Variants in ROBO1 observed in about 807,000 individuals in gnomAD.
ROBO1 encodes roundabout guidance receptor 1.
A neutral mutation model predicts 195.9 loss-of-function variants in ROBO1; 149 were observed. That is an observed-to-expected ratio of 0.76 (90% confidence interval 0.67 to 0.87). ROBO1 has a LOEUF of 0.87. Among genes scored for constraint, ROBO1 ranks in the 40% least tolerant of loss-of-function variants. The pLI, the probability that ROBO1 is intolerant of heterozygous loss-of-function variation, is 0.00. For missense variants in ROBO1, 1,933 were observed against 2,068.3 expected (o/e 0.93, Z 1.27); for synonymous variants, 816 against 733.2 (o/e 1.11, Z -1.82).
intron 4 of ROBO1, among the ~76,000 whole-genome samples, chr3:78,840,709 T>A (rs1263860904): frequency 6.6e-6 from 1 of 152,196 alleles, no homozygotes; most frequent in Non-Finnish European, 1.5e-5. Context: ...AATTTCTATT[T>A]ATGCTGTTGC....
At chr3:79,272,373 C>T (rs1375732211) in intron 2 of ROBO1, among the ~76,000 whole-genome samples, 5 of 151,998 alleles carry the variant, frequency 3.3e-5, no homozygotes, top group Non-Finnish European at 7.4e-5. Context: ...AAGTAGAAGC[C>T]TCCACTGACC....
chr3:79,045,872 G>T (rs537439689), intron 3 of ROBO1, among the ~76,000 whole-genome samples: 1 of 151,972 alleles, frequency 6.6e-6, no homozygotes, highest in Non-Finnish European at 1.5e-5. Context: ...CAAGAGATTC[G>T]TGAATTTTGA....
intron 3 of ROBO1, among the ~76,000 whole-genome samples, chr3:79,062,816 A>G (rs986218857): frequency 3.3e-5 from 5 of 152,046 alleles, no homozygotes; most frequent in African/African-American, 4.8e-5. Flanking sequence ...GGAACATCAC[A>G]CACTGGGGCC....
intron 1 of ROBO1, among the ~76,000 whole-genome samples, chr3:79,684,223 T>C (rs996543859): frequency 6.6e-6 from 1 of 152,214 alleles, no homozygotes; most frequent in East Asian, 1.9e-4. Context: ...TCTTTTCAAA[T>C]GCACATTGAG....
intron 3 of ROBO1, among the ~76,000 whole-genome samples, chr3:79,118,285 C>T (rs2080047462): frequency 6.7e-6 from 1 of 149,092 alleles, no homozygotes; most frequent in South Asian, 2.1e-4. Flanking sequence ...ATTACTTTTG[C>T]ACCCAGCAAA....
At chr3:79,081,737 T>G (rs1001131590) in intron 3 of ROBO1, among the ~76,000 whole-genome samples, 2 of 152,320 alleles carry the variant, frequency 1.3e-5, no homozygotes, top group Admixed American at 1.3e-4. Flanking sequence ...TGTCATGTCT[T>G]GATGAAGGAT....
Position 79,618,934 on chromosome 3 carries a change from C to T in ROBO1, c.-50-28973G>A, listed in dbSNP as rs145411158. ...AAAGGAGACACATTTTATCCGTGGA[C>T]CCAAAACTCCAGCGCCAGTCACGAA... On this transcript the variant is annotated intron_variant, in intron 1 of 30. Transcript: ENST00000464233. Among the ~76,000 whole-genome samples, 351 of 152,302 alleles carry T rather than the reference C, an allele frequency of 2.3e-3. 1 individual carries two copies. Among genetic ancestry groups the T allele is most frequent in the African/African-American group, 8.0e-3 (331 of 41,572 alleles).
intron 4 of ROBO1, among the ~76,000 whole-genome samples, chr3:78,755,334 C>CTA (rs2082901634): frequency 6.6e-6 from 1 of 152,042 alleles, no homozygotes; most frequent in Non-Finnish European, 1.5e-5. Context: ...ATTAGCTAGG[C>CTA]ATGGTGGTGC....
In ROBO1 at chr3:78,989,308, A is replaced by G. The variant is rs189531507; in HGVS notation, c.173-50381T>C. ...TATTCTTTGTCTATTTAAGAAAATA[A>G]AATTTAAAAATAAAAAAATTTAAGG... is the stretch of plus-strand genomic sequence containing the variant. On this transcript the variant is annotated intron_variant, in intron 3 of 30. Transcript: ENST00000464233. Among the ~76,000 whole-genome samples the G allele has an allele frequency of 1.9e-4, 29 of 152,182 alleles. 1 individual carries two copies. The highest frequency in any genetic ancestry group is 6.5e-5 in the Admixed American group (1 of 15,268).
At chr3:79,681,510 A>G (rs1490909472) in intron 1 of ROBO1, among the ~76,000 whole-genome samples, 1 of 151,992 alleles carries the variant, frequency 6.6e-6, no homozygotes, top group Admixed American at 6.6e-5. Flanking sequence ...AGAATAGAAA[A>G]ATGTGAGTTA....
intron 3 of ROBO1, among the ~76,000 whole-genome samples, chr3:79,049,192 G>A (rs2078650667): frequency 6.6e-6 from 1 of 152,078 alleles, no homozygotes; most frequent in African/African-American, 2.4e-5. Context: ...GCAGTGTAGA[G>A]AAGACATTAA....
In ROBO1 at chr3:79,081,765, TTCGTAGAA is replaced by T. The variant is rs2079278893; in HGVS notation, c.172+43683_172+43690del. 2.6e-5 allele frequency among the ~76,000 whole-genome samples: 4 copies of T among 152,330 alleles called. No individual in the cohort carries two copies. The South Asian group carries it at 8.3e-4, about 32-fold the overall frequency. The stretch of plus-strand genomic sequence containing the variant: ...TGAAGGATCTCATTCTTTGGCTCAT[TTCGTAGAA>T]TCTAGCTTTTGTGACAGTTTGGAAA... On this transcript the variant is annotated intron_variant, in intron 3 of 30. Transcript: ENST00000464233.
intron 2 of ROBO1, among the ~76,000 whole-genome samples, chr3:79,472,074 T>A (rs1324153816): frequency 6.6e-6 from 1 of 152,004 alleles, no homozygotes; most frequent in Non-Finnish European, 1.5e-5. Flanking sequence ...CCCCAGAACT[T>A]AAAGTATAAT....
chr3:79,189,281 A>G (rs1190192140), intron 2 of ROBO1, among the ~76,000 whole-genome samples: 1 of 151,836 alleles, frequency 6.6e-6, no homozygotes, highest in African/African-American at 2.4e-5. Context: ...AAATATTAAT[A>G]AGAGGAATTT....
At chr3:79,617,018 C>T (rs973606549) in intron 1 of ROBO1, among the ~76,000 whole-genome samples, 9 of 152,144 alleles carry the variant, frequency 5.9e-5, no homozygotes, top group African/African-American at 2.2e-4. Flanking sequence ...TACATTGTGG[C>T]CTTGAGATAA....
chr3:79,080,854 A>T (rs1205770753), intron 3 of ROBO1, among the ~76,000 whole-genome samples: 1 of 152,018 alleles, frequency 6.6e-6, no homozygotes, highest in Non-Finnish European at 1.5e-5. Context: ...ACTTTTTCTT[A>T]ACCTTTTCTA....
chr3:78,704,597 C>CACACACACACACACAT (rs2081502579), intron 8 of ROBO1, among the ~76,000 whole-genome samples: 1 of 11,940 alleles, frequency 8.4e-5, no homozygotes, highest in South Asian at 1.9e-3. Flanking sequence ...CACACACATA[C>CACACACACACACACAT]ACACACACAC....
intron 2 of ROBO1, among the ~76,000 whole-genome samples, chr3:79,348,027 C>T (rs941672247): frequency 6.6e-6 from 1 of 151,936 alleles, no homozygotes; most frequent in African/African-American, 2.4e-5. Context: ...GCTTGACCAA[C>T]ATGGTGAAAC....
intron 3 of ROBO1, among the ~76,000 whole-genome samples, chr3:79,050,692 A>C (rs148450985): frequency 8.5e-5 from 13 of 152,320 alleles, no homozygotes; most frequent in African/African-American, 2.4e-4. Context: ...AAAAGAACAG[A>C]AATCACAACA....
Sources: allele counts gnomAD v4.1 joint callset (sites outside exome capture counted in the v4.1 genomes callset), GRCh38; gene constraint gnomAD v4.1.1; transcripts MANE v1.5; gene names NCBI Gene and HGNC (gene_info 2026-07-23, HGNC 2026-07-21).